The following SEC63 variants were observed in gnomAD, a reference collection of about 807,000 sequenced individuals.
The protein encoded by SEC63 is SEC63 protein translocation regulator.
SEC63 carries 56 observed loss-of-function variants against 116.2 expected under a neutral mutation model. The ratio of observed to expected loss-of-function variants is 0.48; its 90% CI spans 0.39 to 0.60. The LOEUF (loss-of-function observed/expected upper bound fraction) is 0.60, where lower values mean the gene tolerates loss of function less well. Ranked by LOEUF, SEC63 falls within the 20% of genes least tolerant of loss-of-function variation. The pLI is 0.00. For missense variants in SEC63, 668 were observed against 900.0 expected (o/e 0.74, Z 3.30); for synonymous variants, 273 against 294.6 (o/e 0.93, Z 0.75).
At chr6:107,913,627 C>T (rs932743413) in intron 4 of SEC63, among the ~76,000 whole-genome samples, 200 bp from the exon 5 acceptor site, 5 of 152,106 alleles carry the variant, frequency 3.3e-5, no homozygotes, top group Non-Finnish European at 7.4e-5. Context: ...CTAACTATTG[C>T]GTCTTGATAC....
At chr6:107,911,119 T>TCTCA in intron 7 of SEC63, 1 of 551,200 alleles carries the variant, frequency 1.8e-6, no homozygotes, top group Non-Finnish European at 3.2e-6. Context: ...TCAGTTGGGG[T>TCTCA]CTCACTCTGT....
At chr6:107,928,248 C>T (rs186508854) in intron 2 of SEC63, among the ~76,000 whole-genome samples, 33 of 152,052 alleles carry the variant, frequency 2.2e-4, no homozygotes, top group Middle Eastern at 3.4e-3. Context: ...TTTTGGAGGC[C>T]GAGGCAGGCA....
chr6:107,908,966 T>C lies in SEC63; in HGVS notation c.694A>G (p.Thr232Ala), dbSNP rs1248027082. 6.2e-7 allele frequency: 1 copy of C among 1,612,492 alleles called. No homozygotes were observed. Among genetic ancestry groups the C allele is most frequent in the Non-Finnish European group, 8.5e-7 (1 of 1,178,812 alleles). ...QILIRTTQIY[T>A]YFVYKTRNMD... Reference sequence around the variant, plus strand: ...TTTCGGGTTTTATAAACAAAGTATGTATAAATCTGTGTTGTGCGTATTAGA... The same window carrying C: ...TTTCGGGTTTTATAAACAAAGTATGCATAAATCTGTGTTGTGCGTATTAGA... Residue 232 changes from threonine to alanine, a missense_variant, in exon 8 of 21, where the codon ACA becomes GCA. Physicochemically the swap from Thr to Ala is moderately conservative, Grantham distance 58. Coordinates refer to ENST00000369002, the MANE Select transcript of SEC63 (RefSeq NM_007214.5).
chr6:107,916,440 C>T (rs924574294), intron 4 of SEC63, among the ~76,000 whole-genome samples: 4 of 152,224 alleles, frequency 2.6e-5, no homozygotes, highest in Non-Finnish European at 4.4e-5. Context: ...AGTCAATATC[C>T]TCTACTAAGT....
intron 16 of SEC63, among the ~76,000 whole-genome samples, chr6:107,892,214 G>A (rs560528947): frequency 1.3e-5 from 2 of 152,274 alleles, no homozygotes; most frequent in East Asian, 3.9e-4. Flanking sequence ...TTCCCTGACT[G>A]GGGCTGCTGC....
chr6:107,894,495 G>A (rs543266020), intron 14 of SEC63, among the ~76,000 whole-genome samples: 4 of 70,722 alleles, frequency 5.7e-5, no homozygotes, highest in East Asian at 3.7e-4. Context: ...GCAACAGAGC[G>A]AGACCCCATA....
chr6:107,904,741 C>T lies in SEC63; in HGVS notation c.962-20G>A, dbSNP rs760457995. On this transcript the variant is annotated intron_variant, in intron 10 of 20. Transcript: ENST00000369002. ...GCTGATCTGCAAAACAATAAAAAAC[C>T]TGAAACAGATCATTTTAATTTTACA... is the stretch of plus-strand genomic sequence containing the variant. 3 of 1,545,462 alleles carry T rather than the reference C, an allele frequency of 1.9e-6. No individual in the cohort carries two copies. Among genetic ancestry groups the T allele is most frequent in the South Asian group, 2.2e-5 (2 of 89,664 alleles).
At chr6:107,953,155 G>A (rs1048170856) in intron 1 of SEC63, among the ~76,000 whole-genome samples, 2 of 152,176 alleles carry the variant, frequency 1.3e-5, no homozygotes, top group African/African-American at 2.4e-5. Context: ...AGCTACTCAG[G>A]AGGCTGAGGC....
intron 1 of SEC63, among the ~76,000 whole-genome samples, chr6:107,937,522 G>A (rs905413738): frequency 2.0e-5 from 3 of 152,140 alleles, no homozygotes; most frequent in African/African-American, 7.2e-5. Flanking sequence ...ATGGGTGCAC[G>A]TCTTTTTGGC....
intron 1 of SEC63, among the ~76,000 whole-genome samples, chr6:107,943,090 A>C (rs1429637459): frequency 2.0e-5 from 3 of 152,234 alleles, no homozygotes; most frequent in African/African-American, 7.2e-5. Flanking sequence ...GGTGATATGG[A>C]ATTTACTGAA....
At chr6:107,906,849 A>ATTCAC (rs1327922347) in intron 8 of SEC63, 72 bp from the exon 9 acceptor site, 1 of 1,160,554 alleles carries the variant, frequency 8.6e-7, no homozygotes, top group East Asian at 2.3e-5. Flanking sequence ...GAGATACTTA[A>ATTCAC]TTCACTTGAA....
chr6:107,956,027 G>A, intron 1 of SEC63: 1 of 415,866 alleles, frequency 2.4e-6, no homozygotes. Context: ...AGTCTGTAAG[G>A]CCAGCTACTC....
chr6:107,904,872 C>A, intron 10 of SEC63, 151 bp from the exon 11 acceptor site: 1 of 708,834 alleles, frequency 1.4e-6, no homozygotes. Flanking sequence ...AGTTTCTCCT[C>A]AGTATCACTA....
intron 7 of SEC63, among the ~76,000 whole-genome samples, chr6:107,909,636 G>A (rs933540950): frequency 1.3e-5 from 2 of 152,114 alleles, no homozygotes; most frequent in Non-Finnish European, 2.9e-5. Flanking sequence ...AGACCAAAAA[G>A]GGATAAAACT....
chr6:107,923,739 C>G (rs1222232380), intron 3 of SEC63, among the ~76,000 whole-genome samples: 1 of 150,392 alleles, frequency 6.6e-6, no homozygotes, highest in Non-Finnish European at 1.5e-5. Flanking sequence ...CTATGTTGCC[C>G]AAACTCCTGA....
chr6:107,930,470 G>T (rs533461940), intron 1 of SEC63, among the ~76,000 whole-genome samples: 1 of 152,012 alleles, frequency 6.6e-6, no homozygotes, highest in South Asian at 2.1e-4. Context: ...AGCCAGGCGT[G>T]GTGGTGCATG....
At chr6:107,955,839 A>T (rs1309238570) in intron 1 of SEC63, 1 of 184,718 alleles carries the variant, frequency 5.4e-6, no homozygotes. Flanking sequence ...GTCAAGATCA[A>T]GCCACTGCAC....
intron 13 of SEC63, among the ~76,000 whole-genome samples, chr6:107,900,772 C>A (rs922134135): frequency 6.6e-6 from 1 of 152,154 alleles, no homozygotes; most frequent in Non-Finnish European, 1.5e-5. Context: ...CAGACCACCA[C>A]CACAATGAAA....
In SEC63 at chr6:107,890,056, T is replaced by C. The variant is rs569206440; in HGVS notation, c.1674+3426A>G. Among the ~76,000 whole-genome samples, 8 of 152,328 alleles carry C rather than the reference T, an allele frequency of 5.3e-5. 1 individual carries two copies. The highest frequency in any genetic ancestry group is 1.9e-4 in the African/African-American group (8 of 41,574). On this transcript the variant is annotated intron_variant, in intron 16 of 20. Coordinates refer to ENST00000369002, the MANE Select transcript of SEC63 (RefSeq NM_007214.5). ...GTGGTGCTGAGAAGAATGTGTATTC[T>C]GTCGATTTGGGCTGGAGAGTTCTGT...
Sources: gnomAD v4.1 joint callset for allele counts (sites outside exome capture counted in the v4.1 genomes callset) on GRCh38, gnomAD v4.1.1 for gene constraint, MANE v1.5 for transcripts, NCBI Gene and HGNC (gene_info 2026-07-23, HGNC 2026-07-21) for gene names.